Variants in LYRM4 observed in about 807,000 individuals in gnomAD.
The protein encoded by LYRM4 is LYR motif-containing protein 4.
In LYRM4, 9 loss-of-function variants were observed where a neutral mutation model predicts 11.7. That is an observed-to-expected ratio of 0.77 (90% confidence interval 0.46 to 1.34). The LOEUF (loss-of-function observed/expected upper bound fraction) is 1.34. Among genes scored for constraint, LYRM4 ranks in the 40% most tolerant of loss-of-function variants. LYRM4 has a pLI of 0.00. For missense variants in LYRM4, 133 were observed against 112.5 expected (o/e 1.18, Z -0.82); for synonymous variants, 42 against 40.4 (o/e 1.04, Z -0.15).
chr6:5,094,823 T>C, the LYRM4 span, among the ~76,000 whole-genome samples: 2 of 152,206 alleles, frequency 1.3e-5, no homozygotes, highest in Admixed American at 1.3e-4. Context: ...TGTAGTACTT[T>C]AAAAGGGATC....
At position 5,260,700 on chromosome 6, in the gene LYRM4, G is replaced by C. The variant is rs1261268814; in HGVS notation, c.34C>G (p.Leu12Val). ...CTCTCTCTCAGCATCGCCCGGTACA[G>C]AGATAACACTTGTGCGCGACTGGAG... is the stretch of plus-strand genomic sequence containing the variant. ...AASSRAQVLS[L>V]YRAMLRESKR... Residue 12 changes from leucine to valine, a missense_variant, in exon 1 of 3, where the codon CTG becomes GTG. Coordinates refer to ENST00000330636, the MANE Select transcript of LYRM4 (RefSeq NM_020408.6). 6 of 1,551,310 alleles carry C rather than the reference G, an allele frequency of 3.9e-6. No individual in the cohort carries two copies. Among genetic ancestry groups the C allele is most frequent in the Admixed American group, 3.8e-5 (2 of 52,054 alleles).
chr6:5,204,133 G>A (rs997120994), intron 2 of LYRM4, among the ~76,000 whole-genome samples: 12 of 152,286 alleles, frequency 7.9e-5, no homozygotes, highest in African/African-American at 2.6e-4. Flanking sequence ...GTGATAGCCA[G>A]GACTTGAAAC....
At position 5,201,708 on chromosome 6, in the gene LYRM4, C is replaced by G. The variant is rs1014436356; in HGVS notation, c.207+14910G>C. Among the ~76,000 whole-genome samples, 6 of 152,296 alleles carry G rather than the reference C, an allele frequency of 3.9e-5. No individual in the cohort carries two copies. The South Asian group carries it at 1.2e-3, about 32-fold the overall frequency. ...ATCACGGGGCTGTGGGTGCCTTCCC[C>G]AGAGAGGCACTCTGACTTTCAGCAA... On this transcript the variant is annotated intron_variant, in intron 2 of 2. Coordinates refer to ENST00000330636, the MANE Select transcript of LYRM4 (RefSeq NM_020408.6).
chr6:5,260,375 G>A (rs1360384866), intron 1 of LYRM4, among the ~76,000 whole-genome samples: 1 of 152,160 alleles, frequency 6.6e-6, no homozygotes, highest in East Asian at 1.9e-4. Context: ...CACTAATCAT[G>A]CTCCTAGAAT....
At chr6:5,051,080 G>A in the LYRM4 span, among the ~76,000 whole-genome samples, 1 of 152,070 alleles carries the variant, frequency 6.6e-6, no homozygotes, top group African/African-American at 2.4e-5. Context: ...GCAAAAGAAA[G>A]AATAAGTGAA....
the LYRM4 span, among the ~76,000 whole-genome samples, chr6:5,036,433 G>A: frequency 0.73 from 110,854 of 151,948 alleles, 41,217 homozygotes; most frequent in East Asian, 0.95. Flanking sequence ...TTCAACAGCA[G>A]CTCTGAGATG....
chr6:5,199,375 G>A (rs1761254644), intron 2 of LYRM4, among the ~76,000 whole-genome samples: 1 of 152,148 alleles, frequency 6.6e-6, no homozygotes, highest in Admixed American at 6.5e-5. Context: ...TGGGTTGGGG[G>A]AAAATGGGGA....
At chr6:5,057,248 T>C in the LYRM4 span, among the ~76,000 whole-genome samples, 52 of 152,092 alleles carry the variant, frequency 3.4e-4, no homozygotes, top group Non-Finnish European at 5.9e-4. Flanking sequence ...TGAGGTCTGC[T>C]CTCCTAGCCT....
intron 2 of LYRM4, among the ~76,000 whole-genome samples, chr6:5,187,974 T>C (rs1382696340): frequency 1.3e-5 from 2 of 152,124 alleles, no homozygotes; most frequent in Non-Finnish European, 2.9e-5. Context: ...ATGTGGGAAG[T>C]GAGATTTTGC....
In LYRM4 at chr6:5,138,678, G is replaced by C. The variant is rs188744270; in HGVS notation, c.208-29187C>G. 4.0e-6 allele frequency: 6 copies of C among 1,509,128 alleles called. No homozygotes were observed. The Admixed American group carries it at 8.0e-5, about 20-fold the overall frequency. 93.5% of individuals were successfully genotyped at this position (1,509,128 alleles called of 1,614,324 possible). A position where few individuals can be genotyped will look rare whatever the true frequency, so the allele number is the denominator to read the frequency against. Reference sequence around the variant, plus strand: ...AACATGCTCCCCACTGAAAACACAAGAAAATATCAAGATGCAATAGAAAAC... The same window carrying C: ...AACATGCTCCCCACTGAAAACACAACAAAATATCAAGATGCAATAGAAAAC... On this transcript the variant is annotated intron_variant, in intron 2 of 2. Coordinates refer to ENST00000330636, the MANE Select transcript of LYRM4 (RefSeq NM_020408.6).
At chr6:5,082,817 T>C in the LYRM4 span, among the ~76,000 whole-genome samples, 2 of 152,222 alleles carry the variant, frequency 1.3e-5, no homozygotes, top group Non-Finnish European at 2.9e-5. Flanking sequence ...CTCTGTGCTC[T>C]CTGCCCTCAG....
chr6:5,172,782 C>G (rs1037124989), intron 2 of LYRM4, among the ~76,000 whole-genome samples: 1 of 152,166 alleles, frequency 6.6e-6, no homozygotes, highest in Non-Finnish European at 1.5e-5. Context: ...AAAATTATTC[C>G]TTGATGATTT....
At chr6:5,049,977 T>C in the LYRM4 span, among the ~76,000 whole-genome samples, 1 of 152,252 alleles carries the variant, frequency 6.6e-6, no homozygotes, top group Non-Finnish European at 1.5e-5. Context: ...CTGGGCAGTG[T>C]CATTCTTCTA....
intron 2 of LYRM4, chr6:5,144,315 A>C: frequency 6.5e-7 from 1 of 1,534,010 alleles, no homozygotes; most frequent in African/African-American, 1.4e-5. Flanking sequence ...AGTTTGGACA[A>C]GAAAAAGAAG....
At chr6:5,239,674 CCAGACTGCAG>C (rs1432776179) in intron 1 of LYRM4, among the ~76,000 whole-genome samples, 1 of 152,132 alleles carries the variant, frequency 6.6e-6, no homozygotes, top group Admixed American at 6.5e-5. Flanking sequence ...AGGTGGCAGG[CCAGACTGCAG>C]CAGAGTGAGG....
At chr6:5,038,558 G>T in the LYRM4 span, among the ~76,000 whole-genome samples, 5 of 64,932 alleles carry the variant, frequency 7.7e-5, 2 homozygotes, top group African/African-American at 2.0e-4. Context: ...AGGTTGTAGC[G>T]AGCCGAGATC....
chr6:5,086,334 C>T, the LYRM4 span: 6 of 1,535,694 alleles, frequency 3.9e-6, no homozygotes, highest in Non-Finnish European at 5.2e-6. Context: ...CGTCTGGGGC[C>T]TCCGAGCCAG....
intron 1 of LYRM4, among the ~76,000 whole-genome samples, chr6:5,257,973 G>C (rs1289737788): frequency 6.6e-6 from 1 of 152,208 alleles, no homozygotes; most frequent in Non-Finnish European, 1.5e-5. Flanking sequence ...GGGATGAAGA[G>C]AGTTGGGAAA....
At chr6:5,122,174 G>A (rs1476069596) in intron 2 of LYRM4, among the ~76,000 whole-genome samples, 2 of 152,202 alleles carry the variant, frequency 1.3e-5, no homozygotes, top group Non-Finnish European at 2.9e-5. Flanking sequence ...GAGACTTAAA[G>A]ATGGACGGCC....
Sources: allele counts gnomAD v4.1 joint callset (sites outside exome capture counted in the v4.1 genomes callset), GRCh38; gene constraint gnomAD v4.1.1; transcripts MANE v1.5; gene names NCBI Gene and HGNC (gene_info 2026-07-23, HGNC 2026-07-21).